The following AGBL1 variants were observed in gnomAD, a reference collection of about 807,000 sequenced individuals.
AGBL1 encodes cytosolic carboxypeptidase 4.
AGBL1 carries 130 observed loss-of-function variants against 118.9 expected under a neutral mutation model. That is an observed-to-expected ratio of 1.09 (90% CI 0.95 to 1.26). The LOEUF (loss-of-function observed/expected upper bound fraction) is 1.26, where lower values mean the gene tolerates loss of function less well. Among genes scored for constraint, AGBL1 ranks in the 50% most tolerant of loss-of-function variants. AGBL1 has a pLI of 0.00. For missense variants in AGBL1, 1,584 were observed against 1,298.1 expected (o/e 1.22, Z -3.38); for synonymous variants, 555 against 478.9 (o/e 1.16, Z -2.08).
intron 18 of AGBL1, among the ~76,000 whole-genome samples, chr15:86,500,002 G>A (rs2082899999): frequency 6.6e-6 from 1 of 151,890 alleles, no homozygotes; most frequent in Non-Finnish European, 1.5e-5. Flanking sequence ...GTTACTGAAA[G>A]AGCTTGTCAG....
chr15:86,111,535 A>G (rs1897381201), intron 1 of AGBL1, among the ~76,000 whole-genome samples: 2 of 152,222 alleles, frequency 1.3e-5, no homozygotes, highest in Non-Finnish European at 2.9e-5. Context: ...TTGAAGCTGA[A>G]GCCTCATGGC....
In AGBL1 at chr15:86,554,494, C is replaced by T; in HGVS notation, c.2951C>T (p.Thr984Ile). The T allele has an allele frequency of 1.3e-6, 2 of 1,572,420 alleles. No homozygotes were observed. The highest frequency in any genetic ancestry group is 1.2e-5 in the South Asian group (1 of 84,250). Residue 984 changes from threonine to isoleucine, a missense_variant, in exon 21 of 23, where the codon ACC (threonine) becomes ATC (isoleucine). Coordinates refer to ENST00000614907, the MANE Select transcript of AGBL1 (RefSeq NM_001386094.1). ...GAGATGGGGGTGTCCAGAAGCTACA[C>T]CATGGAAAGCAGCTACTGTGGCTGC... Reference protein sequence around the residue: ...WREMGVSRSYTMESSYCGCNQ... With the variant: ...WREMGVSRSYIMESSYCGCNQ...
chr15:86,242,776 T>C (rs1029632137), intron 6 of AGBL1, among the ~76,000 whole-genome samples: 3 of 152,234 alleles, frequency 2.0e-5, no homozygotes, highest in African/African-American at 7.2e-5. Flanking sequence ...TGATAACAAC[T>C]TCCTTTAGTT....
chr15:86,629,171 C>G (rs1327428316), intron 21 of AGBL1, among the ~76,000 whole-genome samples: 1 of 152,116 alleles, frequency 6.6e-6, no homozygotes, highest in Non-Finnish European at 1.5e-5. Context: ...AACCACCATT[C>G]TACTTGGTTT....
intron 22 of AGBL1, among the ~76,000 whole-genome samples, chr15:86,881,105 C>T (rs888877564): frequency 6.6e-6 from 1 of 152,154 alleles, no homozygotes; most frequent in Non-Finnish European, 1.5e-5. Context: ...TCACCTCCTT[C>T]CTCACCAGAC....
intron 21 of AGBL1, among the ~76,000 whole-genome samples, chr15:86,622,742 G>A (rs1260382851): frequency 6.6e-6 from 1 of 152,116 alleles, no homozygotes; most frequent in East Asian, 1.9e-4. Context: ...CACAGACTAC[G>A]GGTGGGGCAT....
chr15:86,852,963 G>C (rs904570309), intron 22 of AGBL1, among the ~76,000 whole-genome samples: 5 of 152,246 alleles, frequency 3.3e-5, no homozygotes, highest in Admixed American at 2.6e-4. Flanking sequence ...AAGCTTCCCA[G>C]GTGAATCATT....
intron 23 of AGBL1, among the ~76,000 whole-genome samples, chr15:86,947,811 T>TA (rs1279764063): frequency 3.3e-5 from 5 of 152,336 alleles, no homozygotes; most frequent in African/African-American, 1.2e-4. Context: ...GATTAGTATA[T>TA]AAAATAATTC....
At chr15:86,707,718 G>A (rs2086478079) in intron 22 of AGBL1, among the ~76,000 whole-genome samples, 1 of 152,102 alleles carries the variant, frequency 6.6e-6, no homozygotes, top group African/African-American at 2.4e-5. Context: ...ATTGCATAAG[G>A]AGGCTGTTGA....
At chr15:86,860,351 G>A (rs1286988985) in intron 22 of AGBL1, among the ~76,000 whole-genome samples, 1 of 151,848 alleles carries the variant, frequency 6.6e-6, no homozygotes, top group Non-Finnish European at 1.5e-5. Flanking sequence ...AAGAGAGCCA[G>A]CTCCCCTTCA....
At chr15:86,464,721 G>T (rs887319677) in intron 18 of AGBL1, among the ~76,000 whole-genome samples, 2 of 151,986 alleles carry the variant, frequency 1.3e-5, no homozygotes, top group Non-Finnish European at 2.9e-5. Flanking sequence ...TTGTTGGTTT[G>T]GTTTATTTGA....
chr15:87,024,913 T>A (rs2081709644), intron 24 of AGBL1, among the ~76,000 whole-genome samples: 1 of 151,976 alleles, frequency 6.6e-6, no homozygotes, highest in South Asian at 2.1e-4. Context: ...GAAAAAGCAT[T>A]TGACAAAATC....
At chr15:86,369,870 G>A (rs1488917355) in intron 17 of AGBL1, among the ~76,000 whole-genome samples, 4 of 152,094 alleles carry the variant, frequency 2.6e-5, no homozygotes, top group Non-Finnish European at 5.9e-5. Flanking sequence ...TTACAAGGAG[G>A]TAGGAACAAA....
intron 17 of AGBL1, chr15:86,297,077 G>C (rs1237730349): frequency 6.6e-6 from 1 of 151,892 alleles, no homozygotes; most frequent in Non-Finnish European, 1.5e-5. Context: ...AAATAGTTCT[G>C]TTAAAAAAAG....
chr15:86,505,675 T>G (rs1199033607), intron 18 of AGBL1, among the ~76,000 whole-genome samples: 1 of 152,036 alleles, frequency 6.6e-6, no homozygotes, highest in East Asian at 1.9e-4. Context: ...TCATACTTTC[T>G]TTTAGTTCTT....
chr15:86,212,259 G>T (rs1402425784), intron 5 of AGBL1, among the ~76,000 whole-genome samples: 1 of 152,204 alleles, frequency 6.6e-6, no homozygotes, highest in East Asian at 1.9e-4. Flanking sequence ...CTAGACTAAT[G>T]TGAAGTCAGA....
At chr15:86,239,917 C>T (rs571999592) in intron 6 of AGBL1, among the ~76,000 whole-genome samples, 5 of 152,286 alleles carry the variant, frequency 3.3e-5, no homozygotes, top group African/African-American at 7.2e-5. Context: ...TTTGTTCATT[C>T]CCCAAGGTAT....
Position 86,086,926 on chromosome 15 carries a change from C to G in AGBL1, c.51+6903C>G, listed in dbSNP as rs543455546. Among the ~76,000 whole-genome samples the G allele has an allele frequency of 2.2e-3, 335 of 152,260 alleles. 15 individuals are homozygous for G. The South Asian group carries it at 0.066, about 30-fold the overall frequency. The stretch of plus-strand genomic sequence containing the variant: ...ATGAAATAGTGCTGCTTTGCACATT[C>G]CAGTACATGTCTTTGTGAACAAATG... On this transcript the variant is annotated intron_variant, in intron 1 of 22. Transcript: ENST00000614907.
chr15:86,721,656 G>A (rs1187253350), intron 22 of AGBL1, among the ~76,000 whole-genome samples: 3 of 152,120 alleles, frequency 2.0e-5, no homozygotes, highest in Non-Finnish European at 2.9e-5. Context: ...TTCTGGCCAG[G>A]GCAATTAGGC....
Sources: gnomAD v4.1 joint callset for allele counts (sites outside exome capture counted in the v4.1 genomes callset) on GRCh38, gnomAD v4.1.1 for gene constraint, MANE v1.5 for transcripts, NCBI Gene and HGNC (gene_info 2026-07-23, HGNC 2026-07-21) for gene names.